Variants in LARP1B observed in about 807,000 individuals in gnomAD.
LARP1B encodes the protein la-related protein 1B.
A neutral mutation model predicts 114.2 loss-of-function variants in LARP1B; 76 were observed. That is an observed-to-expected ratio of 0.67 (90% confidence interval 0.55 to 0.81). LARP1B has a LOEUF of 0.81. Among genes scored for constraint, LARP1B ranks in the 30% least tolerant of loss-of-function variants. The pLI, the probability that LARP1B is intolerant of heterozygous loss-of-function variation, is 0.00. For missense variants in LARP1B, 1,014 were observed against 1,075.8 expected, an observed-to-expected ratio of 0.94 and a Z score of 0.80; for synonymous variants, 345 against 348.0, an observed-to-expected ratio of 0.99 and a Z score of 0.10.
At chr4:128,133,733 G>A (rs1792297970) in intron 11 of LARP1B, among the ~76,000 whole-genome samples, 1 of 152,034 alleles carries the variant, frequency 6.6e-6, no homozygotes, top group Non-Finnish European at 1.5e-5. Flanking sequence ...TTTCGCTCTT[G>A]TTGCCCAGGC....
chr4:128,094,811 G>T (rs1777300577), intron 7 of LARP1B, among the ~76,000 whole-genome samples: 2 of 151,926 alleles, frequency 1.3e-5, no homozygotes, highest in South Asian at 2.1e-4. Flanking sequence ...CAGTGCAATG[G>T]TGCAATCTTG....
At chr4:128,150,810 C>G (rs573546932) in intron 11 of LARP1B, among the ~76,000 whole-genome samples, 8 of 152,156 alleles carry the variant, frequency 5.3e-5, no homozygotes, top group Non-Finnish European at 1.2e-4. Context: ...TACCATCAGA[C>G]TGTAATTCAC....
chr4:128,208,354 A>C (rs1758151087), intron 19 of LARP1B, among the ~76,000 whole-genome samples: 2 of 152,028 alleles, frequency 1.3e-5, no homozygotes, highest in Non-Finnish European at 2.9e-5. Context: ...GGGAAGAAGA[A>C]AAATTTTAAA....
intron 12 of LARP1B, among the ~76,000 whole-genome samples, chr4:128,173,464 AAC>A (rs1744681844): frequency 1.3e-5 from 2 of 152,328 alleles, no homozygotes; most frequent in Non-Finnish European, 2.9e-5. Context: ...ACTAAACACT[AAC>A]AGCATAATAT....
chr4:128,086,414 C>A (rs896277251), intron 5 of LARP1B, among the ~76,000 whole-genome samples: 1 of 152,092 alleles, frequency 6.6e-6, no homozygotes. Flanking sequence ...CTGCAACCTT[C>A]ACTTCCTAGG....
intron 5 of LARP1B, among the ~76,000 whole-genome samples, chr4:128,090,204 C>A (rs1426502702): frequency 6.6e-6 from 1 of 151,972 alleles, no homozygotes; most frequent in Non-Finnish European, 1.5e-5. Context: ...TCCCGAGTAG[C>A]TGGGATTACA....
chr4:128,111,347 C>T (rs1047843660), intron 9 of LARP1B, among the ~76,000 whole-genome samples: 1 of 151,914 alleles, frequency 6.6e-6, no homozygotes, highest in Non-Finnish European at 1.5e-5. Context: ...AAGCCCAGCT[C>T]TTCATCTACT....
chr4:128,122,537 G>T, intron 11 of LARP1B: 1 of 1,528,458 alleles, frequency 6.5e-7, no homozygotes, highest in South Asian at 1.2e-5. Flanking sequence ...AAGTTACTGT[G>T]GACAGGCTTA....
At chr4:128,085,326 C>G (rs550341242) in intron 5 of LARP1B, among the ~76,000 whole-genome samples, 1 of 142,584 alleles carries the variant, frequency 7.0e-6, no homozygotes, top group South Asian at 2.3e-4. Context: ...ATAATTTTCT[C>G]AGACTTTTCA....
rs755128394 is a variant in LARP1B, at chr4:128,107,116, A to G, written c.814-23A>G. The G allele has an allele frequency of 1.6e-5, 26 of 1,592,786 alleles. No individual in the cohort carries two copies. In the South Asian group the frequency reaches 2.8e-4, roughly 17 times the overall value. On this transcript the variant is annotated intron_variant, in intron 8 of 19. Transcript: ENST00000326639. The stretch of plus-strand genomic sequence containing the variant: ...AGACAGTGAAATAGCTCATAATTTT[A>G]ATAGCTCAATTTCTGTTAATAGGCA...
chr4:128,101,584 T>C (rs1780344237), intron 8 of LARP1B, among the ~76,000 whole-genome samples: 1 of 150,434 alleles, frequency 6.6e-6, no homozygotes, highest in African/African-American at 2.5e-5. Context: ...TTTGCAAAAT[T>C]TGCTCTTAGA....
intron 10 of LARP1B, among the ~76,000 whole-genome samples, chr4:128,116,447 A>T (rs1466813912): frequency 6.6e-6 from 1 of 152,214 alleles, no homozygotes; most frequent in Non-Finnish European, 1.5e-5. Flanking sequence ...CTTGGGGAGA[A>T]TGCCACTCAA....
chr4:128,147,355 C>T (rs1207273219), intron 11 of LARP1B, among the ~76,000 whole-genome samples: 1 of 152,132 alleles, frequency 6.6e-6, no homozygotes, highest in African/African-American at 2.4e-5. Flanking sequence ...AAAATTTGCT[C>T]TTTTATACAT....
At chr4:128,175,377 T>A (rs1410678415) in intron 12 of LARP1B, among the ~76,000 whole-genome samples, 1 of 152,140 alleles carries the variant, frequency 6.6e-6, no homozygotes, top group Non-Finnish European at 1.5e-5. Flanking sequence ...ATGCTTTCAT[T>A]ATCAAGTTTC....
At chr4:128,140,088 T>C (rs1727321451) in intron 11 of LARP1B, among the ~76,000 whole-genome samples, 1 of 152,260 alleles carries the variant, frequency 6.6e-6, no homozygotes, top group Non-Finnish European at 1.5e-5. Context: ...TATCTCAAAT[T>C]TTAATAATTA....
At chr4:128,101,341 C>T (rs987642742) in intron 8 of LARP1B, among the ~76,000 whole-genome samples, 6 of 151,382 alleles carry the variant, frequency 4.0e-5, no homozygotes, top group East Asian at 2.0e-4. Context: ...GACATGGTGA[C>T]GTGCCTGTAA....
rs1762577085 is a variant in LARP1B, at chr4:128,065,837, ATAGG to A, written c.-78+4440_-78+4443del. 2.0e-5 allele frequency among the ~76,000 whole-genome samples: 3 copies of A among 152,024 alleles called. No individual in the cohort carries two copies. In the South Asian group the frequency reaches 6.2e-4, roughly 32 times the overall value. On this transcript the variant is annotated intron_variant, in intron 1 of 19. Transcript: ENST00000326639. ...ATACATTTTACATTAGTTTATTTAA[ATAGG>A]TAGATAGATTGTCAGTCTTGCTCTA...
intron 4 of LARP1B, among the ~76,000 whole-genome samples, chr4:128,078,839 T>G (rs1456830801): frequency 6.6e-6 from 1 of 152,090 alleles, no homozygotes; most frequent in Non-Finnish European, 1.5e-5. Flanking sequence ...AACTGTTAAG[T>G]TGTCAGTGAC....
chr4:128,105,050 G>A (rs568987979), intron 8 of LARP1B, among the ~76,000 whole-genome samples: 206 of 146,982 alleles, frequency 1.4e-3, no homozygotes, highest in Non-Finnish European at 2.6e-3. Context: ...TTAAACATAT[G>A]GGAAAGTTTC....
Sources: gnomAD v4.1 joint callset for allele counts (sites outside exome capture counted in the v4.1 genomes callset) on GRCh38, gnomAD v4.1.1 for gene constraint, MANE v1.5 for transcripts, NCBI Gene and HGNC (gene_info 2026-07-23, HGNC 2026-07-21) for gene names.